The following CWC27 variants were observed in gnomAD, a reference collection of about 807,000 sequenced individuals.
The protein encoded by CWC27 is CWC27 spliceosome associated cyclophilin.
A neutral mutation model predicts 63.6 loss-of-function variants in CWC27; 47 were observed. That is an observed-to-expected ratio of 0.74 (90% CI 0.58 to 0.94). The LOEUF (loss-of-function observed/expected upper bound fraction) is 0.94. Among genes scored for constraint, CWC27 ranks in the 40% least tolerant of loss-of-function variants. The probability of loss-of-function intolerance (pLI) is 0.00; values close to 1 mark genes in which losing one functional copy is unlikely to be tolerated. For synonymous variants in CWC27, 175 were observed against 179.8 expected, an observed-to-expected ratio of 0.97 and a Z score of 0.22; for missense variants, 495 against 554.3, an observed-to-expected ratio of 0.89 and a Z score of 1.07.
intron 11 of CWC27, among the ~76,000 whole-genome samples, chr5:64,961,834 T>C (rs1748917193): frequency 6.6e-6 from 1 of 152,214 alleles, no homozygotes; most frequent in South Asian, 2.1e-4. Context: ...ACTTTCCTCA[T>C]AGATAATCAA....
chr5:65,014,903 C>G (rs1037134550), intron 13 of CWC27, among the ~76,000 whole-genome samples: 3 of 152,224 alleles, frequency 2.0e-5, no homozygotes, highest in African/African-American at 7.2e-5. Context: ...TGCCAAGTAA[C>G]TAGCCATGCT....
intron 10 of CWC27, among the ~76,000 whole-genome samples, chr5:64,861,806 A>G (rs1399622792): frequency 1.3e-5 from 2 of 152,192 alleles, no homozygotes; most frequent in African/African-American, 2.4e-5. Flanking sequence ...ACTTCCATGT[A>G]ATAGTTGCAT....
At chr5:64,984,222 A>G (rs1749380413) in intron 13 of CWC27, among the ~76,000 whole-genome samples, 1 of 152,108 alleles carries the variant, frequency 6.6e-6, no homozygotes, top group South Asian at 2.1e-4. Context: ...CATGCACTTG[A>G]CTCTATGGGG....
At chr5:64,836,982 C>A (rs1745674403) in intron 10 of CWC27, among the ~76,000 whole-genome samples, 1 of 152,036 alleles carries the variant, frequency 6.6e-6, no homozygotes, top group Non-Finnish European at 1.5e-5. Flanking sequence ...ATTTTCCATA[C>A]ACCAGGAAAA....
intron 13 of CWC27, among the ~76,000 whole-genome samples, chr5:64,998,330 G>A (rs1749675196): frequency 6.6e-6 from 1 of 152,006 alleles, no homozygotes; most frequent in Admixed American, 6.6e-5. Context: ...AAATGTTATT[G>A]GCTGAGCAGT....
intron 2 of CWC27, among the ~76,000 whole-genome samples, chr5:64,778,168 G>A (rs912309256): frequency 2.3e-4 from 35 of 152,192 alleles, no homozygotes; most frequent in South Asian, 2.1e-4. Flanking sequence ...GGGTTTTATG[G>A]ATCTTGCTTC....
rs749999452 is a variant in CWC27 at position 64,769,115 on chromosome 5, C to G, written c.-32C>G. 39 of 1,608,868 alleles carry G rather than the reference C, an allele frequency of 2.4e-5. No individual in the cohort carries two copies. The highest frequency in any genetic ancestry group is 3.2e-5 in the Non-Finnish European group (38 of 1,175,886). ...TGGCCGGCCGGCCGCTCTCATCCCC[C>G]GTAAGGAGCAGAGTCCTTTGTACTG... is the stretch of plus-strand genomic sequence containing the variant. On this transcript the variant is annotated 5_prime_UTR_variant, in exon 1 of 14. Transcript: ENST00000381070.
At chr5:64,844,381 C>T (rs2112286201) in intron 10 of CWC27, among the ~76,000 whole-genome samples, 1 of 152,260 alleles carries the variant, frequency 6.6e-6, no homozygotes, top group Admixed American at 6.5e-5. Context: ...TCATAGTTGA[C>T]CCCCAAAGCT....
rs139225990 is a variant in CWC27 at position 64,819,731 on chromosome 5, G to T, written c.938+15345G>T. 1.9e-3 allele frequency among the ~76,000 whole-genome samples: 285 copies of T among 152,184 alleles called. 1 individual carries two copies. The highest frequency in any genetic ancestry group is 2.9e-3 in the Non-Finnish European group (200 of 68,018). On this transcript the variant is annotated intron_variant, in intron 10 of 13. Coordinates refer to ENST00000381070, the MANE Select transcript of CWC27 (RefSeq NM_005869.4). The stretch of plus-strand genomic sequence containing the variant: ...AGTCTTGGTTATATCTTTATTAGTA[G>T]CGTGAGAATGGACTAATACGGGGAC...
chr5:64,940,228 C>A lies in CWC27; in HGVS notation c.1043-31475C>A, dbSNP rs144453174. 1.4e-3 allele frequency among the ~76,000 whole-genome samples: 220 copies of A among 152,294 alleles called. 1 individual carries two copies. The highest frequency in any genetic ancestry group is 4.9e-3 in the African/African-American group (202 of 41,572). Reference sequence around the variant, plus strand: ...GCTACCCAGTCTTGTGCTTGAAACCCAGGGCCCTGGTGGTGTAGGCTCCAG... The same window carrying A: ...GCTACCCAGTCTTGTGCTTGAAACCAAGGGCCCTGGTGGTGTAGGCTCCAG... On this transcript the variant is annotated intron_variant, in intron 11 of 13. Coordinates refer to ENST00000381070, the MANE Select transcript of CWC27 (RefSeq NM_005869.4).
At chr5:64,779,439 G>A (rs1477196044) in intron 2 of CWC27, among the ~76,000 whole-genome samples, 1 of 152,022 alleles carries the variant, frequency 6.6e-6, no homozygotes, top group Non-Finnish European at 1.5e-5. Flanking sequence ...TTTTCCTCTT[G>A]TGCTTACCTA....
At chr5:64,838,395 A>T (rs1346146009) in intron 10 of CWC27, among the ~76,000 whole-genome samples, 1 of 152,188 alleles carries the variant, frequency 6.6e-6, no homozygotes, top group Admixed American at 6.6e-5. Flanking sequence ...TAGATTATGT[A>T]TATACAATAT....
At chr5:64,864,578 A>G (rs1267852619) in intron 10 of CWC27, among the ~76,000 whole-genome samples, 1 of 152,122 alleles carries the variant, frequency 6.6e-6, no homozygotes, top group African/African-American at 2.4e-5. Flanking sequence ...AATTTCCCAG[A>G]TGTCACCTAC....
Position 64,769,168 on chromosome 5 carries a change from G to A in CWC27, c.22G>A (p.Glu8Lys), listed in dbSNP as rs746278592. The A allele has an allele frequency of 1.9e-6, 3 of 1,613,984 alleles. No homozygotes were observed. Among genetic ancestry groups the A allele is most frequent in the African/African-American group, 2.7e-5 (2 of 74,894 alleles). ...CAAGATGAGCAACATCTACATCCAG[G>A]AGCCTCCCACGAATGGGAAGGTGAG... MSNIYIQ[E>K]PPTNGKVLLK... Residue 8 changes from glutamate (E) to lysine (K), a missense_variant, in exon 1 of 14, where the codon GAG (glutamate) becomes AAG (lysine). This residue lies in a region of CWC27 where 463 missense variants were observed against 498.1 expected (regional missense o/e 0.93). Transcript: ENST00000381070.
At chr5:65,008,497 C>A (rs1268013494) in intron 13 of CWC27, among the ~76,000 whole-genome samples, 4 of 152,130 alleles carry the variant, frequency 2.6e-5, no homozygotes, top group Non-Finnish European at 4.4e-5. Context: ...TAAATTAGAA[C>A]TTTATCCGAC....
intron 6 of CWC27, 43 bp downstream of exon 6, chr5:64,786,670 A>C: frequency 8.5e-7 from 1 of 1,176,730 alleles, no homozygotes; most frequent in Non-Finnish European, 1.2e-6. Context: ...GAAAAATGAC[A>C]CTCATTCATT....
chr5:64,910,325 G>A (rs1275089884), intron 11 of CWC27, among the ~76,000 whole-genome samples: 3 of 152,254 alleles, frequency 2.0e-5, no homozygotes, highest in Middle Eastern at 3.4e-3. Context: ...TGGAAGCTTC[G>A]TCCCAGAGGG....
intron 11 of CWC27, among the ~76,000 whole-genome samples, chr5:64,933,148 A>ATAC (rs1283319746): frequency 6.6e-6 from 1 of 152,162 alleles, no homozygotes; most frequent in South Asian, 2.1e-4. Context: ...ACATTTTCAG[A>ATAC]TGGTGCTGAT....
At chr5:64,997,020 C>CT (rs1247271640) in intron 13 of CWC27, among the ~76,000 whole-genome samples, 5 of 152,058 alleles carry the variant, frequency 3.3e-5, no homozygotes, top group Non-Finnish European at 7.4e-5. Context: ...CAAAAACTGT[C>CT]TAAGTCCCCT....
Sources: allele counts gnomAD v4.1 joint callset (sites outside exome capture counted in the v4.1 genomes callset), GRCh38; gene constraint gnomAD v4.1.1; regional missense constraint gnomAD v4.1.1; transcripts MANE v1.5; gene names NCBI Gene and HGNC (gene_info 2026-07-23, HGNC 2026-07-21).